PTPRD: variants seen among roughly 807,000 people sequenced by gnomAD.
PTPRD encodes the protein receptor-type tyrosine-protein phosphatase delta.
In PTPRD, 34 loss-of-function variants were observed where a neutral mutation model predicts 214.5. The observed-to-expected ratio is 0.16, with a 90% CI of 0.12 to 0.21. The LOEUF is 0.21. Among genes scored for constraint, PTPRD ranks in the 10% least tolerant of loss-of-function variants. PTPRD has a pLI of 1.00. For synonymous variants in PTPRD, 1,128 were observed against 845.7 expected (o/e 1.33, Z -5.79); for missense variants, 2,545 against 2,398.7 (o/e 1.06, Z -1.27).
chr9:9,137,792 C>G (rs911806093), intron 10 of PTPRD, among the ~76,000 whole-genome samples: 1 of 152,116 alleles, frequency 6.6e-6, no homozygotes, highest in Non-Finnish European at 1.5e-5. Context: ...CCATTTGTCT[C>G]ATGAGGTTGC....
chr9:8,951,188 CAG>C (rs2099100198), intron 11 of PTPRD, among the ~76,000 whole-genome samples: 1 of 141,160 alleles, frequency 7.1e-6, no homozygotes, highest in Non-Finnish European at 1.6e-5. Context: ...AGAGGAGAAA[CAG>C]AAAGCAATTA....
In PTPRD at chr9:10,237,591, T is replaced by C. The variant is rs927526808; in HGVS notation, c.-545+103372A>G. ...AAAGACACATGACATGAACAAAAAT[T>C]CTCCAAATGTTTAATTGCTTTAAGT... is the stretch of plus-strand genomic sequence containing the variant. On this transcript the variant is annotated intron_variant, in intron 3 of 45. Coordinates refer to ENST00000381196, the MANE Select transcript of PTPRD (RefSeq NM_002839.4). 3.3e-5 allele frequency among the ~76,000 whole-genome samples: 5 copies of C among 151,916 alleles called. No homozygotes were observed. In the Admixed American group the frequency reaches 3.3e-4, roughly 10 times the overall value.
intron 2 of PTPRD, among the ~76,000 whole-genome samples, chr9:10,537,719 T>C (rs913390993): frequency 6.6e-6 from 1 of 152,148 alleles, no homozygotes; most frequent in African/African-American, 2.4e-5. Context: ...TCCATATTTA[T>C]ATTTATCATC....
chr9:10,112,154 A>T (rs2098696720), intron 3 of PTPRD, among the ~76,000 whole-genome samples: 2 of 152,146 alleles, frequency 1.3e-5, no homozygotes, highest in Admixed American at 1.3e-4. Flanking sequence ...TGGAATTGAC[A>T]AGCAAATTCG....
chr9:9,746,486 T>C (rs371532832), intron 6 of PTPRD, among the ~76,000 whole-genome samples: 18 of 152,324 alleles, frequency 1.2e-4, no homozygotes, highest in African/African-American at 4.1e-4. Context: ...CCACATGGCA[T>C]CTGAACTTCT....
At chr9:10,367,919 T>C (rs1364298221) in intron 2 of PTPRD, among the ~76,000 whole-genome samples, 1 of 151,952 alleles carries the variant, frequency 6.6e-6, no homozygotes, top group Non-Finnish European at 1.5e-5. Flanking sequence ...TTTCACTTAT[T>C]AGAGACAAAA....
At chr9:9,830,909 A>C (rs1475658574) in intron 5 of PTPRD, among the ~76,000 whole-genome samples, 1 of 151,884 alleles carries the variant, frequency 6.6e-6, no homozygotes, top group Non-Finnish European at 1.5e-5. Context: ...AAATTGTCCA[A>C]CGTAAAATGT....
At chr9:9,890,572 C>T (rs562552793) in intron 5 of PTPRD, among the ~76,000 whole-genome samples, 1 of 151,958 alleles carries the variant, frequency 6.6e-6, no homozygotes, top group East Asian at 1.9e-4. Context: ...TCCTCATTTA[C>T]ATAATATGCC....
intron 7 of PTPRD, among the ~76,000 whole-genome samples, chr9:9,636,621 G>A (rs768157939): frequency 2.6e-5 from 4 of 152,072 alleles, no homozygotes; most frequent in Non-Finnish European, 5.9e-5. Context: ...TTTTCCTCTG[G>A]ATATTTTGTG....
intron 2 of PTPRD, among the ~76,000 whole-genome samples, chr9:10,499,088 G>A (rs1440900265): frequency 1.3e-5 from 2 of 151,828 alleles, no homozygotes; most frequent in Admixed American, 6.6e-5. Flanking sequence ...AGCAAAAGTT[G>A]GGGCAACTTT....
intron 9 of PTPRD, among the ~76,000 whole-genome samples, chr9:9,351,371 C>G (rs2051063221): frequency 6.6e-6 from 1 of 152,006 alleles, no homozygotes; most frequent in Non-Finnish European, 1.5e-5. Flanking sequence ...AGGGATTAGT[C>G]ACCATTTATT....
chr9:8,840,385 T>A (rs933541362), intron 11 of PTPRD, among the ~76,000 whole-genome samples: 1 of 152,228 alleles, frequency 6.6e-6, no homozygotes, highest in Admixed American at 6.5e-5. Flanking sequence ...CTGCGATCCA[T>A]GTAAGAAGTA....
intron 30 of PTPRD, among the ~76,000 whole-genome samples, chr9:8,481,578 A>G (rs1247447104): frequency 6.6e-6 from 1 of 152,084 alleles, no homozygotes. Flanking sequence ...TCCCTTTGCC[A>G]TGCTGCTCTG....
chr9:9,310,920 G>GATAA (rs146963669), intron 9 of PTPRD, among the ~76,000 whole-genome samples: 27,920 of 138,250 alleles, frequency 0.2, 3,153 homozygotes, highest in Middle Eastern at 0.28. Context: ...CTGTGTCTCA[G>GATAA]ATAAATAAAT....
chr9:9,963,208 C>G (rs962125373), intron 4 of PTPRD, among the ~76,000 whole-genome samples: 6 of 151,950 alleles, frequency 3.9e-5, no homozygotes, highest in African/African-American at 1.4e-4. Context: ...AAATCCTTGT[C>G]AAATTCAGGC....
At chr9:10,491,255 T>C (rs1162258481) in intron 2 of PTPRD, among the ~76,000 whole-genome samples, 1 of 152,182 alleles carries the variant, frequency 6.6e-6, no homozygotes, top group Non-Finnish European at 1.5e-5. Context: ...AATCACATAT[T>C]ATTAGCTTAT....
At chr9:10,430,704 T>C (rs767350963) in intron 2 of PTPRD, among the ~76,000 whole-genome samples, 4 of 151,936 alleles carry the variant, frequency 2.6e-5, no homozygotes, top group Admixed American at 1.3e-4. Context: ...AATATACTTA[T>C]AGAAATCTAT....
intron 3 of PTPRD, among the ~76,000 whole-genome samples, chr9:10,254,639 A>T (rs1400164983): frequency 6.6e-6 from 1 of 152,176 alleles, no homozygotes; most frequent in Non-Finnish European, 1.5e-5. Context: ...TTACAAATAG[A>T]GTAAAAGATT....
At chr9:9,695,980 C>T (rs751706930) in intron 7 of PTPRD, among the ~76,000 whole-genome samples, 15 of 151,788 alleles carry the variant, frequency 9.9e-5, no homozygotes, top group African/African-American at 1.7e-4. Context: ...GGTGTTAGTT[C>T]GTAAATATTG....
Sources: allele counts gnomAD v4.1 joint callset (sites outside exome capture counted in the v4.1 genomes callset), GRCh38; gene constraint gnomAD v4.1.1; transcripts MANE v1.5; gene names NCBI Gene and HGNC (gene_info 2026-07-23, HGNC 2026-07-21).